Variants in SEMA3G observed in about 807,000 individuals in gnomAD.
SEMA3G encodes the protein semaphorin 3G.
Under a neutral mutation model 86.2 loss-of-function variants are expected in SEMA3G, and 70 were observed. The observed-to-expected ratio is 0.81, with a 90% confidence interval of 0.67 to 0.99. The LOEUF (loss-of-function observed/expected upper bound fraction) is 0.99. SEMA3G is among the 50% of genes least tolerant of loss of function. The pLI is 0.00. For missense variants in SEMA3G, 1,002 were observed against 1,072.4 expected, an observed-to-expected ratio of 0.93 and a Z score of 0.92; for synonymous variants, 416 against 441.4, an observed-to-expected ratio of 0.94 and a Z score of 0.72.
chr3:52,438,664 TTG>T, intron 13 of SEMA3G: 1 of 985,500 alleles, frequency 1.0e-6, no homozygotes, highest in Non-Finnish European at 1.2e-6. Context: ...CATCTGGATT[TTG>T]TGTTTTCAGG....
intron 5 of SEMA3G, 57 bp downstream of exon 5, chr3:52,441,762 G>A: frequency 1.9e-6 from 3 of 1,589,738 alleles, no homozygotes; most frequent in African/African-American, 1.3e-5. Flanking sequence ...TCCCTTCCCA[G>A]TGACATAGGC....
At chr3:52,443,126 G>GGCCA in intron 1 of SEMA3G, 1 of 1,261,200 alleles carries the variant, frequency 7.9e-7, no homozygotes, top group South Asian at 1.3e-5. Flanking sequence ...GCCTACCCTG[G>GGCCA]GGCCTACCTC....
In SEMA3G at chr3:52,435,588, C is replaced by A. The variant is rs750132220; in HGVS notation, c.*15G>T. On this transcript the variant is annotated 3_prime_UTR_variant, in exon 16 of 16. Transcript: ENST00000231721. ...GCCCCCCAGCCCATCCTGACCACCC[C>A]TCCTCTGCCCCCTTCTACGTGGCCT... 2.5e-6 allele frequency: 4 copies of A among 1,598,394 alleles called. No homozygotes were observed. In the South Asian group the frequency reaches 4.5e-5, roughly 18 times the overall value.
intron 13 of SEMA3G, chr3:52,438,492 C>G (rs1706089654): frequency 1.0e-6 from 1 of 985,358 alleles, no homozygotes; most frequent in Admixed American, 6.1e-5. Flanking sequence ...GGCCTTTATC[C>G]TGAGTTGTCC....
At chr3:52,443,145 C>CCATT (rs1706192953) in intron 1 of SEMA3G, 1 of 993,398 alleles carries the variant, frequency 1.0e-6, no homozygotes, top group Admixed American at 2.1e-5. Flanking sequence ...TCCCACCCCT[C>CCATT]CATTCCTTAG....
In SEMA3G at chr3:52,433,641, A is replaced by G. The variant is rs562079790; in HGVS notation, c.*1962T>C. On this transcript the variant is annotated 3_prime_UTR_variant, in exon 16 of 16. Transcript: ENST00000231721. The stretch of plus-strand genomic sequence containing the variant: ...TGTGCTCCTCCTCCCTTCGTTTTCT[A>G]GAGTAACTTCCCAGAGGACCCTGCC... The G allele has an allele frequency of 3.3e-5, 5 of 152,634 alleles. No homozygotes were observed. The South Asian group carries it at 1.0e-3, about 32-fold the overall frequency. 9.5% of individuals were successfully genotyped at this position (152,634 alleles called of 1,614,324 possible).
At chr3:52,436,344 A>C (rs1375528353) in intron 15 of SEMA3G, among the ~76,000 whole-genome samples, 3 of 152,198 alleles carry the variant, frequency 2.0e-5, no homozygotes, top group South Asian at 2.1e-4. Context: ...GAGGACTCCA[A>C]TCTTGGCCTC....
chr3:52,441,114 T>C (rs1345639133), intron 7 of SEMA3G, 66 bp from the exon 8 acceptor site: 15 of 1,466,066 alleles, frequency 1.0e-5, no homozygotes, highest in Non-Finnish European at 1.4e-5. Context: ...TCCACTCTTC[T>C]ACCCTCACCC....
At chr3:52,438,254 G>T in intron 13 of SEMA3G, 55 bp from the exon 14 acceptor site, 1 of 1,521,310 alleles carries the variant, frequency 6.6e-7, no homozygotes, top group Non-Finnish European at 9.0e-7. Flanking sequence ...CCCACACGCA[G>T]CCAGGCTCTC....
In SEMA3G at chr3:52,442,615, A is replaced by G. The variant is rs753495240; in HGVS notation, c.283T>C (p.Trp95Arg). 6.2e-7 allele frequency: 1 copy of G among 1,614,100 alleles called. No homozygotes were observed. Among genetic ancestry groups the G allele is most frequent in the South Asian group, 1.1e-5 (1 of 91,076 alleles). The change falls in exon 3 of 16, where the codon TGG (tryptophan) becomes CGG (arginine). Residue 95 changes from tryptophan to arginine, a missense_variant. Physicochemically the swap from Trp to Arg is moderately radical, Grantham distance 101 (BLOSUM62 -3). Coordinates refer to ENST00000231721, the MANE Select transcript of SEMA3G (RefSeq NM_020163.3). This position sits in a 1 kb window ranked among gnomAD's most constrained non-coding sequence, Gnocchi z 6.1. Reference sequence around the variant, plus strand: ...TCCCTCTGTCCTGGCTGCGGTGGCCACAGGACCTGGAACACAGCCCCGCTG... The same window carrying G: ...TCCCTCTGTCCTGGCTGCGGTGGCCGCAGGACCTGGAACACAGCCCCGCTG... ...QAWPDPREVLWPPQPGQREEC... is the reference protein window; with the variant it reads ...QAWPDPREVLRPPQPGQREEC...
At position 52,442,960 on chromosome 3, in the gene SEMA3G, C is replaced by T. The variant is rs1314207426; in HGVS notation, c.116-53G>A. 5 of 1,554,300 alleles carry T rather than the reference C, an allele frequency of 3.2e-6. No individual in the cohort carries two copies. In the African/African-American group the frequency reaches 6.8e-5, roughly 21 times the overall value. ...AGGGCCACAGCTCAGCCTAGTTCCC[C>T]AGCCAAGGAGTGGAGGTGGAGGCCC... On this transcript the variant is annotated intron_variant, in intron 1 of 15. Transcript: ENST00000231721. The surrounding 1 kb of genome is among the most constrained non-coding windows in gnomAD (Gnocchi z 6.1).
At chr3:52,439,531 C>G (rs972073841) in intron 12 of SEMA3G, 149 bp downstream of exon 12, 4 of 659,980 alleles carry the variant, frequency 6.1e-6, no homozygotes, top group Non-Finnish European at 1.1e-5. Context: ...GGGGGCATCT[C>G]TTTCTGCATC....
rs774997552 is a variant in SEMA3G, at chr3:52,441,368, C to T, written c.709G>A (p.Asp237Asn). Reference sequence around the variant, plus strand: ...AAGTACACCTTGTCATTGTCCTGGTCAGAGTTCTCAGGGATCCGGGCGGCC... The same window carrying T: ...AAGTACACCTTGTCATTGTCCTGGTTAGAGTTCTCAGGGATCCGGGCGGCC... Reference protein sequence around the residue: ...VMAARIPENSDQDNDKVYFFF... With the variant: ...VMAARIPENSNQDNDKVYFFF... The change falls in exon 7 of 16, where the codon GAC (aspartate) becomes AAC (asparagine). Residue 237 changes from aspartate to asparagine, a missense_variant. By Grantham distance (23) the Asp-to-Asn change is conservative (BLOSUM62 1). Transcript: ENST00000231721. 6.2e-7 allele frequency: 1 copy of T among 1,613,786 alleles called. No individual in the cohort carries two copies. Among genetic ancestry groups the T allele is most frequent in the Non-Finnish European group, 8.5e-7 (1 of 1,180,012 alleles).
chr3:52,439,060 T>G, intron 12 of SEMA3G, 99 bp from the exon 13 acceptor site: 1 of 1,309,536 alleles, frequency 7.6e-7, no homozygotes, highest in Non-Finnish European at 1.1e-6. Context: ...GGGAACCACC[T>G]AGCTCCCAGG....
rs530734897 is a variant in SEMA3G, at chr3:52,444,767, CGCACACAAACACTGCACAT to C, written c.115+127_115+145del. The stretch of plus-strand genomic sequence containing the variant: ...GGCACACGCACACAAACTCGGCACA[CGCACACAAACACTGCACAT>C]GCACACAAACACGGCACACGCACCC... On this transcript the variant is annotated intron_variant, in intron 1 of 15. Transcript: ENST00000231721. 22 of 83,492 alleles carry C rather than the reference CGCACACAAACACTGCACAT, an allele frequency of 2.6e-4. 10 individuals are homozygous for C. Among genetic ancestry groups the C allele is most frequent in the Non-Finnish European group, 3.3e-4 (18 of 55,178 alleles). 5.2% of individuals were successfully genotyped at this position (83,492 alleles called of 1,614,324 possible). A position where few individuals can be genotyped will look rare whatever the true frequency, so the allele number is the denominator to read the frequency against.
chr3:52,444,916 G>T lies in SEMA3G; in HGVS notation c.112C>A (p.Arg38=). ...PSVPRLRLSY[R]DLLSANRSAI... The stretch of plus-strand genomic sequence containing the variant: ...CAGGGCACGCAGGGGCTGGTACCTC[G>T]GTAGGAGAGCCGCAGGCGGGGCACA... Residue 38 remains arginine (R), a synonymous_variant, in exon 1 of 16, where the codon CGA becomes AGA. Transcript: ENST00000231721. 7.7e-7 allele frequency: 1 copy of T among 1,303,336 alleles called. No individual in the cohort carries two copies. The highest frequency in any genetic ancestry group is 9.8e-7 in the Non-Finnish European group (1 of 1,020,652). The allele number at this position is 1,303,336 out of a possible 1,614,324, so 80.7% of individuals were successfully genotyped here.
At chr3:52,436,287 G>C (rs1706049379) in intron 15 of SEMA3G, among the ~76,000 whole-genome samples, 1 of 152,238 alleles carries the variant, frequency 6.6e-6, no homozygotes, top group Non-Finnish European at 1.5e-5. Flanking sequence ...CATAGCCCAG[G>C]AAGGGGCCTT....
intron 14 of SEMA3G, 54 bp downstream of exon 14, chr3:52,437,917 G>T: frequency 6.7e-7 from 1 of 1,501,444 alleles, no homozygotes. Flanking sequence ...GTGGAGCCGG[G>T]CCACAGGGGT....
chr3:52,442,335 G>T lies in SEMA3G; in HGVS notation c.340-31C>A. The stretch of plus-strand genomic sequence containing the variant: ...GGGAGAAGGAGGGGGTGGTTGAGGG[G>T]TGAGAGGGGGTGCCCACCATCTCCT... On this transcript the variant is annotated intron_variant, in intron 3 of 15. Coordinates refer to ENST00000231721, the MANE Select transcript of SEMA3G (RefSeq NM_020163.3). This position sits in a 1 kb window ranked among gnomAD's most constrained non-coding sequence, Gnocchi z 6.1. 2 of 1,603,642 alleles carry T rather than the reference G, an allele frequency of 1.2e-6. No homozygotes were observed. The highest frequency in any genetic ancestry group is 1.1e-5 in the South Asian group (1 of 90,684).
Sources: allele counts gnomAD v4.1 joint callset (sites outside exome capture counted in the v4.1 genomes callset), GRCh38; gene constraint gnomAD v4.1.1; non-coding constraint Gnocchi (gnomAD v3.1); transcripts MANE v1.5; gene names NCBI Gene and HGNC (gene_info 2026-07-23, HGNC 2026-07-21).